Variants in SPSB1 observed in about 807,000 individuals in gnomAD.
SPSB1 encodes splA/ryanodine receptor domain and SOCS box containing 1, also known as SPRY domain-containing SOCS box protein 1.
In SPSB1, 8 loss-of-function variants were observed where a neutral mutation model predicts 21.2. The observed-to-expected ratio is 0.38, with a 90% CI of 0.22 to 0.68. The LOEUF is 0.68. SPSB1 is among the 30% of genes least tolerant of loss of function. The pLI is 0.53. For missense variants in SPSB1, 242 were observed against 377.8 expected (o/e 0.64, Z 2.98); for synonymous variants, 169 against 161.7 (o/e 1.05, Z -0.34).
At chr1:9,362,351 T>C (rs118020816) in intron 2 of SPSB1, among the ~76,000 whole-genome samples, 1,811 of 152,310 alleles carry the variant, frequency 0.012, 20 homozygotes, top group South Asian at 0.024. Context: ...CAGGCGTCCT[T>C]CCCCAGTTGA....
chr1:9,295,359 C>T (rs1414500998), intron 1 of SPSB1, among the ~76,000 whole-genome samples: 1 of 152,142 alleles, frequency 6.6e-6, no homozygotes, highest in Non-Finnish European at 1.5e-5. Flanking sequence ...GCATGTTGGC[C>T]CCAGTGGCTC....
intron 1 of SPSB1, among the ~76,000 whole-genome samples, chr1:9,320,250 G>T (rs1569592107): frequency 6.6e-6 from 1 of 152,252 alleles, no homozygotes; most frequent in Admixed American, 6.5e-5. Flanking sequence ...GCAGGGGGTT[G>T]CAGCTCGACC....
chr1:9,299,742 G>T (rs61783491), intron 1 of SPSB1, among the ~76,000 whole-genome samples: 28,669 of 151,738 alleles, frequency 0.19, 2,867 homozygotes, highest in South Asian at 0.22. Context: ...GCCTCCCAAA[G>T]TTCTGGGATT....
At chr1:9,295,513 G>A (rs1308012296) in intron 1 of SPSB1, among the ~76,000 whole-genome samples, 5 of 152,180 alleles carry the variant, frequency 3.3e-5, no homozygotes, top group African/African-American at 7.2e-5. Flanking sequence ...AGCTGGGTGA[G>A]GCCGTTTCTT....
chr1:9,328,012 A>G (rs78237381), intron 1 of SPSB1, among the ~76,000 whole-genome samples: 6,851 of 152,304 alleles, frequency 0.045, 197 homozygotes, highest in Non-Finnish European at 0.058. Flanking sequence ...TGCTGCAATC[A>G]CACTTACGCT....
Position 9,345,664 on chromosome 1 carries a change from C to T in SPSB1, c.-149-10079C>T, listed in dbSNP as rs936261434. Among the ~76,000 whole-genome samples, 8 of 152,130 alleles carry T rather than the reference C, an allele frequency of 5.3e-5. No individual in the cohort carries two copies. The South Asian group carries it at 1.2e-3, about 24-fold the overall frequency. ...TTCCCAGGCCATGGCTCCACTGATT[C>T]GAGCCCTCTGAAAGTGCTGTGAGTC... On this transcript the variant is annotated intron_variant, in intron 1 of 2. Transcript: ENST00000328089. This position sits in a 1 kb window ranked among gnomAD's most constrained non-coding sequence, Gnocchi z 4.8.
In SPSB1 at chr1:9,345,631, A is replaced by G. The variant is rs1311369768; in HGVS notation, c.-149-10112A>G. The stretch of plus-strand genomic sequence containing the variant: ...GTAATTTTCAGTCTGTTTGACTATC[A>G]TGCTGGTTTCCCAGGCCATGGCTCC... On this transcript the variant is annotated intron_variant, in intron 1 of 2. Coordinates refer to ENST00000328089, the MANE Select transcript of SPSB1 (RefSeq NM_025106.4). The surrounding 1 kb of genome is among the most constrained non-coding windows in gnomAD (Gnocchi z 4.8). Among the ~76,000 whole-genome samples the G allele has an allele frequency of 6.6e-6, 1 of 152,226 alleles. No individual in the cohort carries two copies. Among genetic ancestry groups the G allele is most frequent in the Non-Finnish European group, 1.5e-5 (1 of 68,006 alleles).
rs1639160381 is a variant in SPSB1 at position 9,293,730 on chromosome 1, G to T, written c.-150+659G>T. ...GCGGCCTGGGCCCGCGGGAGGAACC[G>T]CGGATGGGTCACCGTCCCCGGGCGT... On this transcript the variant is annotated intron_variant, in intron 1 of 2. Transcript: ENST00000328089. The surrounding 1 kb of genome is among the most constrained non-coding windows in gnomAD (Gnocchi z 5.1). Among the ~76,000 whole-genome samples the T allele has an allele frequency of 6.6e-6, 1 of 152,202 alleles. No homozygotes were observed. Among genetic ancestry groups the T allele is most frequent in the African/African-American group, 2.4e-5 (1 of 41,462 alleles).
intron 2 of SPSB1, among the ~76,000 whole-genome samples, chr1:9,359,109 G>A (rs555850808): frequency 7.2e-5 from 11 of 152,328 alleles, no homozygotes; most frequent in African/African-American, 2.6e-4. Context: ...ATCACAGCCG[G>A]GCGCTATTAG....
rs1640204440 is a variant in SPSB1 at position 9,348,807 on chromosome 1, TA to T, written c.-149-6935del. Among the ~76,000 whole-genome samples, 1 of 150,560 alleles carries T rather than the reference TA, an allele frequency of 6.6e-6. No homozygotes were observed. Among genetic ancestry groups the T allele is most frequent in the South Asian group, 2.1e-4 (1 of 4,788 alleles). ...CCCAGGCTGCCACCGAGAAATCCAG[TA>T]GGGTCACGCGGCTCTGATGGGTGTT... On this transcript the variant is annotated intron_variant, in intron 1 of 2. Coordinates refer to ENST00000328089, the MANE Select transcript of SPSB1 (RefSeq NM_025106.4). The surrounding 1 kb of genome is among the most constrained non-coding windows in gnomAD (Gnocchi z 4.8).
intron 1 of SPSB1, among the ~76,000 whole-genome samples, chr1:9,338,076 G>C (rs1640032687): frequency 6.6e-6 from 1 of 152,208 alleles, no homozygotes; most frequent in Non-Finnish European, 1.5e-5. Flanking sequence ...TTGGTTCCTG[G>C]AAGACATTGA....
rs1031909548 is a variant in SPSB1, at chr1:9,323,836, G to A, written c.-150+30765G>A. On this transcript the variant is annotated intron_variant, in intron 1 of 2. Transcript: ENST00000328089. ...ATTTCTTCTGCTGTTGCCCACGGACGGCAGGGGCTGTGCCATGTGGGACCT... is the reference window on the plus strand; with the variant it reads ...ATTTCTTCTGCTGTTGCCCACGGACAGCAGGGGCTGTGCCATGTGGGACCT... 3.9e-5 allele frequency among the ~76,000 whole-genome samples: 6 copies of A among 152,314 alleles called. No homozygotes were observed. In the South Asian group the frequency reaches 8.3e-4, roughly 21 times the overall value.
At chr1:9,306,183 C>T (rs771716001) in intron 1 of SPSB1, among the ~76,000 whole-genome samples, 7 of 152,190 alleles carry the variant, frequency 4.6e-5, no homozygotes, top group Admixed American at 2.0e-4. Context: ...GCACCTCAGG[C>T]GATTGCCTGT....
At chr1:9,312,943 T>C (rs116092941) in intron 1 of SPSB1, among the ~76,000 whole-genome samples, 1,708 of 152,272 alleles carry the variant, frequency 0.011, 32 homozygotes, top group African/African-American at 0.039. Context: ...CACCTTTTCC[T>C]TCTGGCTTTA....
intron 1 of SPSB1, among the ~76,000 whole-genome samples, chr1:9,334,603 A>G (rs1024233441): frequency 3.3e-5 from 5 of 152,162 alleles, no homozygotes; most frequent in African/African-American, 1.2e-4. Context: ...ACCGTTGTCC[A>G]TCTCCAGAAC....
chr1:9,325,262 G>T (rs1452426205), intron 1 of SPSB1, among the ~76,000 whole-genome samples: 2 of 148,958 alleles, frequency 1.3e-5, no homozygotes, highest in African/African-American at 5.0e-5. Context: ...GGTGCAGATG[G>T]AGAGCTGTCC....
At chr1:9,320,776 C>T (rs1450386332) in intron 1 of SPSB1, among the ~76,000 whole-genome samples, 6 of 152,182 alleles carry the variant, frequency 3.9e-5, no homozygotes, top group Admixed American at 6.5e-5. Context: ...AGGGTGACTC[C>T]GTGTTTCTTG....
At chr1:9,301,046 C>T (rs1169460548) in intron 1 of SPSB1, among the ~76,000 whole-genome samples, 5 of 152,322 alleles carry the variant, frequency 3.3e-5, no homozygotes, top group Admixed American at 2.0e-4. Flanking sequence ...GGCAGAGCTT[C>T]GGGCAGTGCA....
In SPSB1 at chr1:9,356,255, GC is replaced by G; in HGVS notation, c.370del (p.Leu124CysfsTer56). ...CGTGGTGGGGGTGGCGACGGCAGACGCCCCCCTGCACTCTGTCGGGTACACA... is the reference window on the plus strand; with the variant it reads ...CGTGGTGGGGGTGGCGACGGCAGACGCCCCCTGCACTCTGTCGGGTACACA... ...HAVVGVATADAPLHSVGYTTL... is the reference protein window; with the variant it reads ...HAVVGVATADXPLHSVGYTTL... On this transcript the variant is annotated frameshift_variant, in exon 2 of 3. Transcript: ENST00000328089. LOFTEE classifies it high-confidence loss of function. The surrounding 1 kb of genome is among the most constrained non-coding windows in gnomAD (Gnocchi z 7.4). The G allele has an allele frequency of 6.2e-7, 1 of 1,609,190 alleles. No individual in the cohort carries two copies. Among genetic ancestry groups the G allele is most frequent in the Non-Finnish European group, 8.5e-7 (1 of 1,176,934 alleles).
Sources: gnomAD v4.1 joint callset for allele counts (sites outside exome capture counted in the v4.1 genomes callset) on GRCh38, gnomAD v4.1.1 for gene constraint, Gnocchi (gnomAD v3.1) non-coding constraint, MANE v1.5 for transcripts, NCBI Gene and HGNC (gene_info 2026-07-23, HGNC 2026-07-21) for gene names.